SPOUT1: variants seen among roughly 807,000 people sequenced by gnomAD.
SPOUT1 encodes 28S rRNA (uridine-N(3))-methyltransferase.
A neutral mutation model predicts 54.8 loss-of-function variants in SPOUT1; 40 were observed. That is an observed-to-expected ratio of 0.73 (90% CI 0.57 to 0.95). The LOEUF is 0.95. SPOUT1 is among the 40% of genes least tolerant of loss of function. SPOUT1 has a pLI of 0.00. For synonymous variants in SPOUT1, 193 were observed against 200.3 expected (o/e 0.96, Z 0.31); for missense variants, 437 against 499.5 (o/e 0.87, Z 1.19).
At position 128,822,108 on chromosome 9, in the gene SPOUT1, C is replaced by T. The variant is rs186150513; in HGVS notation, c.*657G>A. ...GTTTATTGTCGCCCACTCTGCCTGACCCAGTGTTGGGCATAAGGAAAACAG... is the reference window on the plus strand; with the variant it reads ...GTTTATTGTCGCCCACTCTGCCTGATCCAGTGTTGGGCATAAGGAAAACAG... On this transcript the variant is annotated 3_prime_UTR_variant, in exon 12 of 12. Transcript: ENST00000361256. 207 of 597,032 alleles carry T rather than the reference C, an allele frequency of 3.5e-4. 1 individual carries two copies. The highest frequency in any genetic ancestry group is 1.2e-4 in the Admixed American group (4 of 33,494). The allele number at this position is 597,032 out of a possible 1,614,324, so 37.0% of individuals were successfully genotyped here. A position where few individuals can be genotyped will look rare whatever the true frequency, so the allele number is the denominator to read the frequency against.
At chr9:128,829,387 C>T (rs1329683891) in intron 1 of SPOUT1, among the ~76,000 whole-genome samples, 1 of 152,186 alleles carries the variant, frequency 6.6e-6, no homozygotes. Context: ...CGAATGAGTT[C>T]CCACAAAACA....
At chr9:128,828,917 C>A (rs567173725) in intron 2 of SPOUT1, 57 bp from the exon 3 acceptor site, 3 of 1,609,814 alleles carry the variant, frequency 1.9e-6, no homozygotes, top group Non-Finnish European at 2.5e-6. Context: ...ATTGGGTCAG[C>A]CTGGACTCTG....
Position 128,820,152 on chromosome 9 carries a change from CTG to C in SPOUT1, c.*2611_*2612del, listed in dbSNP as rs1264665372. On this transcript the variant is annotated 3_prime_UTR_variant, in exon 12 of 12. Transcript: ENST00000361256. The stretch of plus-strand genomic sequence containing the variant: ...ACGATCAGGTTGTTAGTGCCAGGCA[CTG>C]TGCACTGGGCCAACCACCCTCTCAG... The C allele has an allele frequency of 6.5e-6, 1 of 152,940 alleles. No homozygotes were observed. Among genetic ancestry groups the C allele is most frequent in the Non-Finnish European group, 1.5e-5 (1 of 68,556 alleles). 9.5% of individuals were successfully genotyped at this position (152,940 alleles called of 1,614,324 possible).
At chr9:128,825,888 C>A (rs1408341784) in intron 7 of SPOUT1, 134 bp downstream of exon 7, 28 of 1,171,380 alleles carry the variant, frequency 2.4e-5, no homozygotes, top group Non-Finnish European at 3.3e-5. Context: ...CCATTTTGCA[C>A]AATTCTCTGG....
intron 7 of SPOUT1, 155 bp downstream of exon 7, chr9:128,825,848 AAATTCATTCCTGGCTTTAT>A: frequency 1.4e-6 from 1 of 722,326 alleles, no homozygotes; most frequent in Non-Finnish European, 2.3e-6. Flanking sequence ...AAGCAACAGT[AAATTCATTCCTGGCTTTAT>A]CTATTGAGCC....
In SPOUT1 at chr9:128,826,596, C is replaced by A; in HGVS notation, c.402G>T (p.Lys134Asn). The A allele has an allele frequency of 6.3e-7, 1 of 1,599,216 alleles. No individual in the cohort carries two copies. The highest frequency in any genetic ancestry group is 8.5e-7 in the Non-Finnish European group (1 of 1,172,012). ...CCAGCTGTACGCACGCCTGCCCCTT[C>A]TTCCCAACTCCTGTGAATTCCCCCT... ...TVEGEFTGVG[K>N]KGQACVQLAR... Residue 134 changes from lysine (K) to asparagine (N), a missense_variant, in exon 5 of 12, where the codon AAG (lysine) becomes AAT (asparagine). Lys to Asn is a moderately conservative substitution (Grantham distance 94, BLOSUM62 0). Coordinates refer to ENST00000361256, the MANE Select transcript of SPOUT1 (RefSeq NM_016390.4). The surrounding 1 kb of genome is among the most constrained non-coding windows in gnomAD (Gnocchi z 5.5).
rs777769706 is a variant in SPOUT1, at chr9:128,826,103, T to G, written c.558A>C (p.Glu186Asp). 3.7e-6 allele frequency: 6 copies of G among 1,613,554 alleles called. No individual in the cohort carries two copies. The highest frequency in any genetic ancestry group is 5.1e-6 in the Non-Finnish European group (6 of 1,179,768). Residue 186 changes from glutamate to aspartate, a missense_variant, in exon 7 of 12, where the codon GAA becomes GAC. Transcript: ENST00000361256. This position sits in a 1 kb window ranked among gnomAD's most constrained non-coding sequence, Gnocchi z 5.5. ...DSPHHMRQDE[E>D]SEFREGIVVD... ...CCACGATGCCCTCTCGGAACTCGGA[T>G]TCCTCATCCTGACGCATGTGGTGGG...
At position 128,822,296 on chromosome 9, in the gene SPOUT1, C is replaced by T. The variant is rs1422128553; in HGVS notation, c.*469G>A. 6.2e-7 allele frequency: 1 copy of T among 1,602,124 alleles called. No homozygotes were observed. Among genetic ancestry groups the T allele is most frequent in the Non-Finnish European group, 8.5e-7 (1 of 1,173,650 alleles). ...AGGTGGCTTTGGGTTCATCCAGGCC[C>T]CCTGCCCACGTGTGCCTGGGTCTGC... is the stretch of plus-strand genomic sequence containing the variant. On this transcript the variant is annotated 3_prime_UTR_variant, in exon 12 of 12. Transcript: ENST00000361256.
In SPOUT1 at chr9:128,822,249, A is replaced by T; in HGVS notation, c.*516T>A. Reference sequence around the variant, plus strand: ...CAGGTTGACAGAAGTTAGAGGACAGATCAGGGAAGGCTGCCTGGAAGAGGT... The same window carrying T: ...CAGGTTGACAGAAGTTAGAGGACAGTTCAGGGAAGGCTGCCTGGAAGAGGT... On this transcript the variant is annotated 3_prime_UTR_variant, in exon 12 of 12. Coordinates refer to ENST00000361256, the MANE Select transcript of SPOUT1 (RefSeq NM_016390.4). 3.2e-6 allele frequency: 5 copies of T among 1,539,474 alleles called. No homozygotes were observed. The highest frequency in any genetic ancestry group is 4.4e-6 in the Non-Finnish European group (5 of 1,142,366).
At position 128,824,767 on chromosome 9, in the gene SPOUT1, T is replaced by G; in HGVS notation, c.811+4A>C. ...ATATTCAGAGAAGTAAGGTCTGTCC[T>G]TACTGAGGCAGGAAGCCAGTCGGAC... On this transcript the variant is annotated splice_donor_region_variant and intron_variant, in intron 9 of 11. Transcript: ENST00000361256. The G allele has an allele frequency of 1.9e-6, 3 of 1,609,370 alleles. No individual in the cohort carries two copies. Among genetic ancestry groups the G allele is most frequent in the Non-Finnish European group, 2.6e-6 (3 of 1,175,756 alleles).
At chr9:128,825,347 T>G (rs1026374351) in intron 7 of SPOUT1, among the ~76,000 whole-genome samples, 2 of 152,190 alleles carry the variant, frequency 1.3e-5, no homozygotes, top group African/African-American at 4.8e-5. Context: ...TTTTTTCTTT[T>G]TTAAGATGGA....
chr9:128,829,722 G>C lies in SPOUT1; in HGVS notation c.36+23C>G, dbSNP rs529517822. Reference sequence around the variant, plus strand: ...ACGCCTCCACCATGCTGCCCTGCACGGGGTCCCGCCGCCCGCACTTACCGG... The same window carrying C: ...ACGCCTCCACCATGCTGCCCTGCACCGGGTCCCGCCGCCCGCACTTACCGG... On this transcript the variant is annotated intron_variant, in intron 1 of 11. Transcript: ENST00000361256. 5.5e-5 allele frequency: 86 copies of C among 1,574,236 alleles called. No homozygotes were observed. In the South Asian group the frequency reaches 8.6e-4, roughly 16 times the overall value.
intron 7 of SPOUT1, 77 bp from the exon 8 acceptor site, chr9:128,825,126 G>A: frequency 9.0e-7 from 1 of 1,111,362 alleles, no homozygotes; most frequent in East Asian, 2.6e-5. Flanking sequence ...GATGCCACCA[G>A]GGGAGCCCCG....
At position 128,826,944 on chromosome 9, in the gene SPOUT1, T is replaced by C. The variant is rs893787934; in HGVS notation, c.368+88A>G. Reference sequence around the variant, plus strand: ...CAGGGCACGAGGGAAGAGCCAGGCATGTGGACGGGGCCATGGTGAAGCCTC... The same window carrying C: ...CAGGGCACGAGGGAAGAGCCAGGCACGTGGACGGGGCCATGGTGAAGCCTC... On this transcript the variant is annotated intron_variant, in intron 4 of 11. Transcript: ENST00000361256. The surrounding 1 kb of genome is among the most constrained non-coding windows in gnomAD (Gnocchi z 5.5). The C allele has an allele frequency of 6.9e-5, 93 of 1,355,016 alleles. No individual in the cohort carries two copies. The highest frequency in any genetic ancestry group is 9.2e-5 in the Non-Finnish European group (89 of 969,502). The allele number at this position is 1,355,016 out of a possible 1,614,324, so 83.9% of individuals were successfully genotyped here. A position where few individuals can be genotyped will look rare whatever the true frequency, so the allele number is the denominator to read the frequency against.
intron 3 of SPOUT1, among the ~76,000 whole-genome samples, chr9:128,828,503 A>AC (rs1282400202): frequency 6.6e-6 from 1 of 151,830 alleles, no homozygotes; most frequent in South Asian, 2.1e-4. Flanking sequence ...CTCAAAAAAA[A>AC]AAAAAAAGAG....
At chr9:128,822,882 G>T in intron 11 of SPOUT1, 49 bp from the exon 12 acceptor site, 1 of 1,400,934 alleles carries the variant, frequency 7.1e-7, no homozygotes, top group Non-Finnish European at 9.8e-7. Flanking sequence ...GCTAGCGGGT[G>T]CCCCCGCTCC....
chr9:128,828,153 A>T (rs1007366844), intron 3 of SPOUT1, among the ~76,000 whole-genome samples: 2 of 152,192 alleles, frequency 1.3e-5, no homozygotes, highest in Non-Finnish European at 2.9e-5. Flanking sequence ...TCAATAAAAA[A>T]GTCAAAAAAT....
At position 128,824,979 on chromosome 9, in the gene SPOUT1, G is replaced by A. The variant is rs745548051; in HGVS notation, c.710C>T (p.Pro237Leu). ...GGGTTGGGGAACCTTCCAGATACCT[G>A]GGTGCTGCTGCTGGTTCAGTCGCAC... ...VTVRLNQQQH[P>L]DCKTYHGKVV... is the part of the protein sequence containing the mutation. Residue 237 changes from proline (P) to leucine (L), a missense_variant and splice_region_variant, in exon 8 of 12, where the codon CCA becomes CTA. Pro to Leu is a moderately conservative substitution (Grantham distance 98). Transcript: ENST00000361256. The A allele has an allele frequency of 1.9e-5, 30 of 1,597,940 alleles. No homozygotes were observed. Among genetic ancestry groups the A allele is most frequent in the Non-Finnish European group, 2.4e-5 (28 of 1,171,604 alleles).
At position 128,826,455 on chromosome 9, in the gene SPOUT1, A is replaced by G; in HGVS notation, c.459-22T>C. On this transcript the variant is annotated intron_variant, in intron 5 of 11. Coordinates refer to ENST00000361256, the MANE Select transcript of SPOUT1 (RefSeq NM_016390.4). The surrounding 1 kb of genome is among the most constrained non-coding windows in gnomAD (Gnocchi z 5.5). Reference sequence around the variant, plus strand: ...GTACCTAGGAAAGAATGCTGACCTCAGGATGTTCCCAGGGGAAGCCGCCTC... The same window carrying G: ...GTACCTAGGAAAGAATGCTGACCTCGGGATGTTCCCAGGGGAAGCCGCCTC... The G allele has an allele frequency of 6.2e-7, 1 of 1,613,800 alleles. No homozygotes were observed. Among genetic ancestry groups the G allele is most frequent in the East Asian group, 2.2e-5 (1 of 44,874 alleles).
Sources: allele counts gnomAD v4.1 joint callset (sites outside exome capture counted in the v4.1 genomes callset), GRCh38; gene constraint gnomAD v4.1.1; non-coding constraint Gnocchi (gnomAD v3.1); transcripts MANE v1.5; gene names NCBI Gene and HGNC (gene_info 2026-07-23, HGNC 2026-07-21).